The following FAM13B variants were observed in gnomAD, a reference collection of about 807,000 sequenced individuals.
FAM13B encodes protein FAM13B.
Under a neutral mutation model 117.3 loss-of-function variants are expected in FAM13B, and 60 were observed. The observed-to-expected ratio is 0.51, with a 90% CI of 0.42 to 0.63. The LOEUF (loss-of-function observed/expected upper bound fraction) is 0.63. Among genes scored for constraint, FAM13B ranks in the 30% least tolerant of loss-of-function variants. The pLI is 0.00. For missense variants in FAM13B, 972 were observed against 1,091.9 expected (o/e 0.89, Z 1.55); for synonymous variants, 332 against 356.1 (o/e 0.93, Z 0.76).
chr5:138,048,556 G>A (rs1791704281), intron 1 of FAM13B, among the ~76,000 whole-genome samples: 1 of 152,124 alleles, frequency 6.6e-6, no homozygotes, highest in Non-Finnish European at 1.5e-5. Flanking sequence ...CTAGCACCAG[G>A]TGGTGTCTTT....
intron 4 of FAM13B, among the ~76,000 whole-genome samples, chr5:138,012,216 CTTTTTTT>C (rs36054299): frequency 3.1e-4 from 38 of 121,758 alleles, no homozygotes; most frequent in Non-Finnish European, 2.5e-4. Flanking sequence ...CCCCAATTCT[CTTTTTTT>C]TTTTTTTTTT....
chr5:138,040,736 CAGAG>C (rs1791475277), intron 1 of FAM13B, among the ~76,000 whole-genome samples: 1 of 151,826 alleles, frequency 6.6e-6, no homozygotes, highest in African/African-American at 2.4e-5. Flanking sequence ...ATTTAGTACC[CAGAG>C]AGAAAGGGGA....
intron 10 of FAM13B, among the ~76,000 whole-genome samples, chr5:137,974,772 AAT>A (rs1189412032): frequency 6.6e-6 from 1 of 152,060 alleles, no homozygotes; most frequent in African/African-American, 2.4e-5. Context: ...ATCTCCTTAC[AAT>A]ATTCTAGCCC....
chr5:138,026,300 T>C (rs1788341141), intron 1 of FAM13B, among the ~76,000 whole-genome samples: 3 of 152,042 alleles, frequency 2.0e-5, no homozygotes, highest in Non-Finnish European at 4.4e-5. Context: ...CATGCTGTTG[T>C]ATATAAACCA....
At chr5:138,034,995 C>CTTTATTTTTTTTTT (rs1790974418), upstream of FAM13B, among the ~76,000 whole-genome samples, 1 of 34,364 alleles carries the variant, frequency 2.9e-5, no homozygotes, top group African/African-American at 1.2e-4. Flanking sequence ...ATTCCCTTGC[C>CTTTATTTTTTTTTT]TTTTTTTTTT....
At chr5:138,023,648 G>A (rs1269833896) in intron 1 of FAM13B, among the ~76,000 whole-genome samples, 1 of 152,066 alleles carries the variant, frequency 6.6e-6, no homozygotes, top group East Asian at 1.9e-4. Context: ...GCTCACTGCA[G>A]CCTCAACCTC....
chr5:138,028,879 C>A (rs1789145695), intron 1 of FAM13B, among the ~76,000 whole-genome samples: 1 of 152,142 alleles, frequency 6.6e-6, no homozygotes, highest in African/African-American at 2.4e-5. Flanking sequence ...ATTAGCCAGG[C>A]ATGGTGGCAC....
At chr5:138,024,981 G>A (rs974391543) in intron 1 of FAM13B, among the ~76,000 whole-genome samples, 2 of 150,670 alleles carry the variant, frequency 1.3e-5, no homozygotes, top group Admixed American at 6.6e-5. Flanking sequence ...AGCGATTCTC[G>A]TGCCTCAGCC....
chr5:138,002,590 A>G (rs1781528452), intron 7 of FAM13B, among the ~76,000 whole-genome samples: 1 of 152,158 alleles, frequency 6.6e-6, no homozygotes, highest in Non-Finnish European at 1.5e-5. Context: ...TGCAAAAATA[A>G]ATATCTCTAA....
rs1420510779 is a variant in FAM13B, at chr5:137,940,215, G to C, written c.*10C>G. On this transcript the variant is annotated 3_prime_UTR_variant, in exon 24 of 24. Coordinates refer to ENST00000689681, the MANE Select transcript of FAM13B (RefSeq NM_001385994.1). ...CTGACTTTATGATATGAATTTTCAAGGAACGTATCTTATATGGATTTTGAA... is the reference window on the plus strand; with the variant it reads ...CTGACTTTATGATATGAATTTTCAACGAACGTATCTTATATGGATTTTGAA... 6.2e-7 allele frequency: 1 copy of C among 1,613,786 alleles called. No individual in the cohort carries two copies. Among genetic ancestry groups the C allele is most frequent in the East Asian group, 2.2e-5 (1 of 44,880 alleles).
At chr5:137,984,306 C>A (rs1031681377) in intron 10 of FAM13B, among the ~76,000 whole-genome samples, 2 of 152,130 alleles carry the variant, frequency 1.3e-5, no homozygotes, top group Non-Finnish European at 1.5e-5. Flanking sequence ...TCCATTTCTA[C>A]GGGTGTCTCC....
In FAM13B at chr5:137,959,700, T is replaced by G; in HGVS notation, c.1357A>C (p.Ser453Arg). 1 of 1,613,960 alleles carries G rather than the reference T, an allele frequency of 6.2e-7. No homozygotes were observed. The highest frequency in any genetic ancestry group is 8.5e-7 in the Non-Finnish European group (1 of 1,179,870). The change falls in exon 13 of 24, where the codon AGT (serine) becomes CGT (arginine). Residue 453 changes from serine to arginine, a missense_variant. Physicochemically the swap from Ser to Arg is moderately radical, Grantham distance 110. Transcript: ENST00000689681. ...NTESEVPGGQ[S>R]VGVQGEAACV... ...GCTGCTTCCCCTTGAACACCAACAC[T>G]CTGACCTCCTGGTACTTCTGATTCA...
chr5:137,975,133 C>A (rs1456572517), intron 10 of FAM13B, among the ~76,000 whole-genome samples: 1 of 152,120 alleles, frequency 6.6e-6, no homozygotes, highest in East Asian at 1.9e-4. Flanking sequence ...CTCTATCTAG[C>A]CTTACACTTT....
At chr5:138,020,001 G>A (rs934004347) in intron 2 of FAM13B, 4 of 980,166 alleles carry the variant, frequency 4.1e-6, no homozygotes, top group Non-Finnish European at 3.6e-6. Flanking sequence ...TTATAAAAAA[G>A]AAATTTTTCA....
rs1760905204 is a variant in FAM13B at position 137,938,975 on chromosome 5, T to C, written c.*1250A>G. On this transcript the variant is annotated 3_prime_UTR_variant, in exon 24 of 24. Transcript: ENST00000689681. ...GCCTGACCCAAATCTGCTGTTGTAC[T>C]GTTAGCACAAATGAAGTCACCATTC... is the stretch of plus-strand genomic sequence containing the variant. 6.6e-6 allele frequency: 1 copy of C among 152,204 alleles called. No homozygotes were observed. The highest frequency in any genetic ancestry group is 2.1e-4 in the South Asian group (1 of 4,830). The allele number at this position is 152,204 out of a possible 1,614,324, so 9.4% of individuals were successfully genotyped here.
At chr5:137,942,839 T>A (rs1463682981) in intron 22 of FAM13B, 36 bp downstream of exon 22, 1 of 1,562,704 alleles carries the variant, frequency 6.4e-7, no homozygotes, top group Non-Finnish European at 8.6e-7. Context: ...CATTTTATTA[T>A]AAAAATAGGC....
At chr5:137,983,359 A>G (rs1049551866) in intron 10 of FAM13B, among the ~76,000 whole-genome samples, 1 of 152,116 alleles carries the variant, frequency 6.6e-6, no homozygotes, top group Admixed American at 6.6e-5. Flanking sequence ...CAGAGGAATG[A>G]ATGGTCGGAG....
At chr5:137,992,774 C>T (rs768105793) in intron 7 of FAM13B, among the ~76,000 whole-genome samples, 8 of 152,134 alleles carry the variant, frequency 5.3e-5, no homozygotes, top group Non-Finnish European at 1.2e-4. Flanking sequence ...AACTGTCACA[C>T]ACTGTTAGTA....
intron 15 of FAM13B, 84 bp downstream of exon 15, chr5:137,954,078 TTGAA>T (rs1765762650): frequency 2.8e-6 from 2 of 701,856 alleles, no homozygotes; most frequent in Non-Finnish European, 4.4e-6. Context: ...AGTTTCACTA[TTGAA>T]GCCCAGGCTG....
Sources: gnomAD v4.1 joint callset for allele counts (sites outside exome capture counted in the v4.1 genomes callset) on GRCh38, gnomAD v4.1.1 for gene constraint, MANE v1.5 for transcripts, NCBI Gene and HGNC (gene_info 2026-07-23, HGNC 2026-07-21) for gene names.